Variants in DPY19L4 observed in about 807,000 individuals in gnomAD.
DPY19L4 encodes probable C-mannosyltransferase DPY19L4.
DPY19L4 carries 97 observed loss-of-function variants against 102.8 expected under a neutral mutation model. That is an observed-to-expected ratio of 0.94 (90% CI 0.80 to 1.12). The LOEUF is 1.12. Ranked by LOEUF, DPY19L4 falls within the 50% of genes most tolerant of loss-of-function variation. DPY19L4 has a pLI of 0.00. For synonymous variants in DPY19L4, 252 were observed against 283.1 expected (o/e 0.89, Z 1.10); for missense variants, 815 against 850.4 (o/e 0.96, Z 0.52).
At chr8:94,731,089 T>C (rs1563572923) in intron 2 of DPY19L4, among the ~76,000 whole-genome samples, 1 of 150,808 alleles carries the variant, frequency 6.6e-6, no homozygotes. Context: ...GTATTAAGGT[T>C]AGGCATTTAT....
intron 1 of DPY19L4, among the ~76,000 whole-genome samples, chr8:94,721,285 T>G (rs1158584807): frequency 2.0e-5 from 3 of 152,214 alleles, no homozygotes; most frequent in East Asian, 1.9e-4. Context: ...GGAAGGAGTT[T>G]AAAGGATTCA....
chr8:94,748,251 T>C (rs912074823), intron 6 of DPY19L4, among the ~76,000 whole-genome samples: 14 of 152,164 alleles, frequency 9.2e-5, no homozygotes, highest in African/African-American at 3.1e-4. Flanking sequence ...CCCATCTGTA[T>C]TCCAGACACC....
intron 2 of DPY19L4, among the ~76,000 whole-genome samples, chr8:94,730,014 G>T (rs1461090520): frequency 6.6e-6 from 1 of 150,758 alleles, no homozygotes; most frequent in African/African-American, 2.4e-5. Context: ...AATTTCAGTA[G>T]ATATAAATAC....
chr8:94,754,857 C>T (rs528345666), intron 6 of DPY19L4, among the ~76,000 whole-genome samples: 2 of 152,294 alleles, frequency 1.3e-5, no homozygotes, highest in South Asian at 4.1e-4. Context: ...GGTGCGATCT[C>T]TGCTCTCTGC....
chr8:94,725,643 AT>A (rs151332773), intron 1 of DPY19L4, among the ~76,000 whole-genome samples: 8 of 149,990 alleles, frequency 5.3e-5, no homozygotes, highest in East Asian at 1.9e-4. Context: ...TTATGTTTTG[AT>A]TTTTTTTTTG....
At chr8:94,780,227 T>C (rs1456225017) in intron 14 of DPY19L4, 132 bp from the exon 15 acceptor site, 1 of 569,076 alleles carries the variant, frequency 1.8e-6, no homozygotes, top group Admixed American at 4.0e-5. Flanking sequence ...CTAGGTTCTA[T>C]GTTGACTTCA....
At chr8:94,747,603 G>A (rs1378896343) in intron 6 of DPY19L4, among the ~76,000 whole-genome samples, 1 of 143,906 alleles carries the variant, frequency 6.9e-6, no homozygotes, top group Admixed American at 7.3e-5. Context: ...CTGTTGCCCA[G>A]GCTGGAGTGC....
chr8:94,728,990 G>T (rs1442721427), intron 2 of DPY19L4, among the ~76,000 whole-genome samples: 1 of 151,398 alleles, frequency 6.6e-6, no homozygotes, highest in East Asian at 1.9e-4. Flanking sequence ...GGACCGTCCT[G>T]GACAACATAG....
rs544399354 is a variant in DPY19L4 at position 94,755,895 on chromosome 8, A to G, written c.612-141A>G. 5 of 806,880 alleles carry G rather than the reference A, an allele frequency of 6.2e-6. No homozygotes were observed. In the South Asian group the frequency reaches 6.7e-5, roughly 11 times the overall value. The allele number at this position is 806,880 out of a possible 1,614,324, so 50.0% of individuals were successfully genotyped here. ...GCGAGACTCCATCTCAAAAAAAAAA[A>G]GGACAATGGTGGATCTGGCTATGCC... On this transcript the variant is annotated intron_variant, in intron 6 of 18. Coordinates refer to ENST00000414645, the MANE Select transcript of DPY19L4 (RefSeq NM_181787.3).
intron 1 of DPY19L4, among the ~76,000 whole-genome samples, chr8:94,721,048 GC>G (rs1341586051): frequency 6.6e-6 from 1 of 152,012 alleles, no homozygotes; most frequent in African/African-American, 2.4e-5. Context: ...CTGGATTCAA[GC>G]GATTCTCCTG....
chr8:94,748,293 A>G (rs1811767181), intron 6 of DPY19L4, among the ~76,000 whole-genome samples: 1 of 152,104 alleles, frequency 6.6e-6, no homozygotes, highest in Non-Finnish European at 1.5e-5. Context: ...AGTTTTAAAG[A>G]TTTGACTGCA....
In DPY19L4 at chr8:94,764,717, A is replaced by ATTTTT. The variant is rs869220296; in HGVS notation, c.871-445_871-441dup. Among the ~76,000 whole-genome samples, 19 of 29,326 alleles carry ATTTTT rather than the reference A, an allele frequency of 6.5e-4. 1 individual carries two copies. The highest frequency in any genetic ancestry group is 4.5e-3 in the South Asian group (2 of 440). 19.2% of individuals were successfully genotyped at this position (29,326 alleles called of 152,430 possible). On this transcript the variant is annotated intron_variant, in intron 8 of 18. Transcript: ENST00000414645. ...TATATATATATATATATATATATAT[A>ATTTTT]TTTTTTTTTTTTTTTTTTTTTTTTT...
chr8:94,765,098 T>C, intron 8 of DPY19L4, 85 bp from the exon 9 acceptor site: 1 of 994,134 alleles, frequency 1.0e-6, no homozygotes, highest in Non-Finnish European at 1.4e-6. Flanking sequence ...AACTGTATAA[T>C]TATAGTTAAA....
intron 7 of DPY19L4, among the ~76,000 whole-genome samples, chr8:94,756,413 A>G (rs1476264942): frequency 6.6e-6 from 1 of 152,246 alleles, no homozygotes; most frequent in Non-Finnish European, 1.5e-5. Flanking sequence ...TATGAAACAT[A>G]TCTTATTTTG....
chr8:94,733,898 T>G (rs996761350), intron 2 of DPY19L4, among the ~76,000 whole-genome samples: 4 of 152,132 alleles, frequency 2.6e-5, no homozygotes, highest in Non-Finnish European at 4.4e-5. Flanking sequence ...CAGATAGAGT[T>G]CCTGTATTAC....
At chr8:94,772,152 A>G (rs998934956) in intron 13 of DPY19L4, among the ~76,000 whole-genome samples, 5 of 152,170 alleles carry the variant, frequency 3.3e-5, no homozygotes, top group African/African-American at 1.2e-4. Context: ...CTTTATTAAA[A>G]TGTATTCATT....
chr8:94,740,315 A>G (rs1811387103), intron 6 of DPY19L4, among the ~76,000 whole-genome samples: 3 of 152,020 alleles, frequency 2.0e-5, no homozygotes, highest in Non-Finnish European at 4.4e-5. Flanking sequence ...TTCTTTTTTT[A>G]TTCATCCTAA....
At position 94,720,010 on chromosome 8, in the gene DPY19L4, A is replaced by G; in HGVS notation, c.12A>G (p.Glu4=). 1 of 1,531,218 alleles carries G rather than the reference A, an allele frequency of 6.5e-7. No individual in the cohort carries two copies. The allele number at this position is 1,531,218 out of a possible 1,614,324, so 94.9% of individuals were successfully genotyped here. The change falls in exon 1 of 19, where the codon GAA becomes GAG. Residue 4 remains glutamate, a synonymous_variant. Coordinates refer to ENST00000414645, the MANE Select transcript of DPY19L4 (RefSeq NM_181787.3). Reference sequence around the variant, plus strand: ...CCTTCGCAGAAACGATGGCGGAGGAAGAAGGTGATTGCCGCGGGGTCCAGC... The same window carrying G: ...CCTTCGCAGAAACGATGGCGGAGGAGGAAGGTGATTGCCGCGGGGTCCAGC... The part of the protein sequence containing the change: MAE[E]EGPPVELRQR...
chr8:94,723,999 C>T (rs889283743), intron 1 of DPY19L4, among the ~76,000 whole-genome samples: 1 of 152,076 alleles, frequency 6.6e-6, no homozygotes, highest in Non-Finnish European at 1.5e-5. Flanking sequence ...AAACAAAAAT[C>T]ATTTATGGAC....
Sources: gnomAD v4.1 joint callset for allele counts (sites outside exome capture counted in the v4.1 genomes callset) on GRCh38, gnomAD v4.1.1 for gene constraint, MANE v1.5 for transcripts, NCBI Gene and HGNC (gene_info 2026-07-23, HGNC 2026-07-21) for gene names.